ARHGAP15: variants seen among roughly 807,000 people sequenced by gnomAD.
ARHGAP15 encodes Rho GTPase activating protein 15, also known as rho GTPase-activating protein 15.
Under a neutral mutation model 63.7 loss-of-function variants are expected in ARHGAP15, and 51 were observed. That is an observed-to-expected ratio of 0.80 (90% confidence interval 0.64 to 1.01). ARHGAP15 has a LOEUF of 1.01. Among genes scored for constraint, ARHGAP15 ranks in the 50% least tolerant of loss-of-function variants. The pLI is 0.00. For synonymous variants in ARHGAP15, 191 were observed against 193.8 expected (o/e 0.99, Z 0.12); for missense variants, 560 against 564.6 (o/e 0.99, Z 0.08).
chr2:143,189,498 C>A (rs1051264715), intron 2 of ARHGAP15, among the ~76,000 whole-genome samples: 1 of 148,084 alleles, frequency 6.8e-6, no homozygotes, highest in Admixed American at 6.8e-5. Context: ...TCTTTTCTTT[C>A]TTTCTTTTTT....
intron 6 of ARHGAP15, among the ~76,000 whole-genome samples, chr2:143,327,920 A>AT (rs1327563795): frequency 8.6e-6 from 1 of 115,972 alleles, no homozygotes; most frequent in African/African-American, 4.0e-5. Context: ...AAAAAAAAAA[A>AT]TCCAAAAAGT....
chr2:143,450,956 T>C (rs1690378237), intron 8 of ARHGAP15, among the ~76,000 whole-genome samples: 1 of 151,980 alleles, frequency 6.6e-6, no homozygotes, highest in African/African-American at 2.4e-5. Flanking sequence ...TAAATCTTGC[T>C]CAAGAGCTGA....
At chr2:143,573,733 G>T (rs1268921077) in intron 11 of ARHGAP15, among the ~76,000 whole-genome samples, 3 of 152,104 alleles carry the variant, frequency 2.0e-5, no homozygotes, top group African/African-American at 7.2e-5. Context: ...AGCAGTAATT[G>T]GAAATTTTAT....
At chr2:143,607,027 T>C (rs552978615) in intron 11 of ARHGAP15, 1 of 152,358 alleles carries the variant, frequency 6.6e-6, no homozygotes, top group South Asian at 2.1e-4. Flanking sequence ...GCCATGATAG[T>C]GGAGGATTTC....
chr2:143,762,974 G>A (rs768634555), intron 13 of ARHGAP15, among the ~76,000 whole-genome samples: 1 of 152,052 alleles, frequency 6.6e-6, no homozygotes, highest in Non-Finnish European at 1.5e-5. Flanking sequence ...AAGTACACCT[G>A]ACTGTTTTTG....
rs574440929 is a variant in ARHGAP15, at chr2:143,505,341, T to C, written c.827-13925T>C. On this transcript the variant is annotated intron_variant, in intron 9 of 13. Coordinates refer to ENST00000295095, the MANE Select transcript of ARHGAP15 (RefSeq NM_018460.4). ...TGCAACAAACCTGGCAAATGAGCAA[T>C]ATACAAAGCAGCATCTCACAACATG... 3.1e-4 allele frequency among the ~76,000 whole-genome samples: 47 copies of C among 152,232 alleles called. 1 individual carries two copies. The highest frequency in any genetic ancestry group is 1.0e-3 in the African/African-American group (42 of 41,544).
intron 8 of ARHGAP15, among the ~76,000 whole-genome samples, chr2:143,458,929 G>A (rs1174088243): frequency 6.6e-6 from 1 of 152,080 alleles, no homozygotes; most frequent in Non-Finnish European, 1.5e-5. Flanking sequence ...TAGCTGTTTG[G>A]TACATGATAC....
chr2:143,710,864 G>A (rs921404675), intron 13 of ARHGAP15, among the ~76,000 whole-genome samples: 12 of 152,154 alleles, frequency 7.9e-5, no homozygotes, highest in South Asian at 2.1e-4. Flanking sequence ...GTCTGTAACC[G>A]TCCCTTTTGT....
At position 143,186,220 on chromosome 2, in the gene ARHGAP15, A is replaced by T. The variant is rs6749243; in HGVS notation, c.166-15914A>T. 9.4e-4 allele frequency among the ~76,000 whole-genome samples: 143 copies of T among 152,214 alleles called. 1 individual carries two copies. Among genetic ancestry groups the T allele is most frequent in the African/African-American group, 3.4e-3 (140 of 41,518 alleles). On this transcript the variant is annotated intron_variant, in intron 2 of 13. Coordinates refer to ENST00000295095, the MANE Select transcript of ARHGAP15 (RefSeq NM_018460.4). ...ACAATCATATTTTCTTTGTTTATGA[A>T]TAAAATTTAGGAATCTCTATTTAAA...
chr2:143,500,211 C>T (rs1692992259), intron 9 of ARHGAP15, among the ~76,000 whole-genome samples: 1 of 150,576 alleles, frequency 6.6e-6, no homozygotes, highest in African/African-American at 2.4e-5. Context: ...GATATTCCAT[C>T]AGGAAATATT....
chr2:143,170,635 C>T (rs1038124254), intron 2 of ARHGAP15, among the ~76,000 whole-genome samples: 44 of 152,144 alleles, frequency 2.9e-4, no homozygotes, highest in African/African-American at 8.9e-4. Context: ...GTGTATTCTC[C>T]GTTATGCCTA....
chr2:143,433,319 A>G (rs1446858175), intron 6 of ARHGAP15, among the ~76,000 whole-genome samples: 1 of 152,042 alleles, frequency 6.6e-6, no homozygotes, highest in Non-Finnish European at 1.5e-5. Flanking sequence ...ATGCATTTAA[A>G]CTGTAGAGAG....
chr2:143,156,220 A>G (rs985034078), intron 2 of ARHGAP15, among the ~76,000 whole-genome samples: 1 of 151,888 alleles, frequency 6.6e-6, no homozygotes, highest in Non-Finnish European at 1.5e-5. Context: ...ATTTGAAATA[A>G]AATAGTTAGA....
At chr2:143,355,006 A>G (rs899886036) in intron 6 of ARHGAP15, among the ~76,000 whole-genome samples, 2 of 152,206 alleles carry the variant, frequency 1.3e-5, no homozygotes, top group African/African-American at 2.4e-5. Context: ...AACATCCAAC[A>G]GGGTAAATAT....
chr2:143,372,216 C>G lies in ARHGAP15; in HGVS notation c.475-63385C>G, dbSNP rs138952098. 5.3e-3 allele frequency among the ~76,000 whole-genome samples: 809 copies of G among 151,654 alleles called. 9 individuals carry two copies. The highest frequency in any genetic ancestry group is 0.018 in the African/African-American group (752 of 41,368). Reference sequence around the variant, plus strand: ...AAATAGCCAGGCATGGTGACACGTGCCTGTAATCCCAGGTACTCGGAAGGA... The same window carrying G: ...AAATAGCCAGGCATGGTGACACGTGGCTGTAATCCCAGGTACTCGGAAGGA... On this transcript the variant is annotated intron_variant, in intron 6 of 13. Coordinates refer to ENST00000295095, the MANE Select transcript of ARHGAP15 (RefSeq NM_018460.4).
At chr2:143,696,541 C>T (rs568844917) in intron 12 of ARHGAP15, among the ~76,000 whole-genome samples, 47 of 152,150 alleles carry the variant, frequency 3.1e-4, no homozygotes, top group Middle Eastern at 3.4e-3. Flanking sequence ...GGGACCAGGA[C>T]CAGAAATGGT....
At chr2:143,629,509 T>C (rs1698980669) in intron 12 of ARHGAP15, among the ~76,000 whole-genome samples, 1 of 152,156 alleles carries the variant, frequency 6.6e-6, no homozygotes. Flanking sequence ...TGATGCAATC[T>C]TGTGGCTAGA....
intron 12 of ARHGAP15, among the ~76,000 whole-genome samples, chr2:143,663,548 C>G (rs1681955850): frequency 6.6e-6 from 1 of 150,506 alleles, no homozygotes; most frequent in African/African-American, 2.4e-5. Context: ...ATGACAGGAT[C>G]AAATTCACAC....
At chr2:143,429,263 A>G (rs1381024516) in intron 6 of ARHGAP15, among the ~76,000 whole-genome samples, 1 of 142,584 alleles carries the variant, frequency 7.0e-6, no homozygotes, top group African/African-American at 2.6e-5. Context: ...TTTTGGGTTT[A>G]GATATTTGTT....
Sources: gnomAD v4.1 joint callset for allele counts (sites outside exome capture counted in the v4.1 genomes callset) on GRCh38, gnomAD v4.1.1 for gene constraint, MANE v1.5 for transcripts, NCBI Gene and HGNC (gene_info 2026-07-23, HGNC 2026-07-21) for gene names.